HIRA: variants seen among roughly 807,000 people sequenced by gnomAD.
HIRA encodes the protein histone cell cycle regulator, also known as protein HIRA.
Under a neutral mutation model 126.6 loss-of-function variants are expected in HIRA, and 13 were observed. That is an observed-to-expected ratio of 0.10 (90% CI 0.07 to 0.16). HIRA has a LOEUF of 0.16. HIRA is among the 10% of genes least tolerant of loss of function. HIRA has a pLI of 1.00. For synonymous variants in HIRA, 511 were observed against 520.0 expected (o/e 0.98, Z 0.24); for missense variants, 834 against 1,314.4 (o/e 0.63, Z 5.65).
At chr22:19,428,644 A>T (rs113405407) in intron 1 of HIRA, among the ~76,000 whole-genome samples, 39 of 152,306 alleles carry the variant, frequency 2.6e-4, no homozygotes, top group African/African-American at 9.1e-4. Flanking sequence ...AGACTCTCGA[A>T]AAACAGAAAA....
At chr22:19,358,867 A>T (rs1318454960) in intron 18 of HIRA, among the ~76,000 whole-genome samples, 2 of 152,196 alleles carry the variant, frequency 1.3e-5, no homozygotes, top group Non-Finnish European at 2.9e-5. Context: ...TGGGTGACTA[A>T]TCACTGAATC....
chr22:19,350,473 G>A (rs1317363286), intron 24 of HIRA, among the ~76,000 whole-genome samples: 3 of 152,118 alleles, frequency 2.0e-5, no homozygotes, highest in Non-Finnish European at 4.4e-5. Context: ...GAACCTGGAG[G>A]TGCCACATGT....
At chr22:19,334,162 A>C (rs2088531773) in intron 24 of HIRA, among the ~76,000 whole-genome samples, 2 of 151,160 alleles carry the variant, frequency 1.3e-5, no homozygotes, top group South Asian at 2.1e-4. Flanking sequence ...TTTTTAGTAG[A>C]GATGGGGTTC....
chr22:19,426,109 T>C (rs1304533847), intron 1 of HIRA, among the ~76,000 whole-genome samples: 1 of 152,218 alleles, frequency 6.6e-6, no homozygotes, highest in Non-Finnish European at 1.5e-5. Flanking sequence ...CCATTAATTC[T>C]ACCTCTACCC....
At chr22:19,367,889 C>G (rs1004153340) in intron 15 of HIRA, among the ~76,000 whole-genome samples, 1 of 152,178 alleles carries the variant, frequency 6.6e-6, no homozygotes, top group African/African-American at 2.4e-5. Context: ...GGCGCCTGTA[C>G]TTTGGTCCTT....
chr22:19,354,142 G>C, intron 21 of HIRA, 24 bp from the exon 22 acceptor site: 1 of 1,607,610 alleles, frequency 6.2e-7, no homozygotes, highest in Non-Finnish European at 8.5e-7. Flanking sequence ...GGCAGGAGCA[G>C]AGCTCAGGAA....
intron 1 of HIRA, among the ~76,000 whole-genome samples, chr22:19,412,311 C>T (rs1361283261): frequency 1.3e-5 from 2 of 152,182 alleles, no homozygotes; most frequent in Non-Finnish European, 2.9e-5. Flanking sequence ...GTTCTATCCC[C>T]AAGCTATTCG....
intron 22 of HIRA, 117 bp downstream of exon 22, chr22:19,353,879 G>T: frequency 7.7e-7 from 1 of 1,295,184 alleles, no homozygotes; most frequent in East Asian, 2.5e-5. Context: ...CCAGCACCTG[G>T]GGCACAGGGG....
chr22:19,377,750 C>A, intron 14 of HIRA, 119 bp downstream of exon 14: 2 of 916,512 alleles, frequency 2.2e-6, no homozygotes, highest in South Asian at 3.6e-5. Flanking sequence ...GCATTTTTTT[C>A]TTTCTTTTTT....
chr22:19,353,292 A>C (rs1391065039), intron 23 of HIRA, 64 bp downstream of exon 23: 1 of 1,587,800 alleles, frequency 6.3e-7, no homozygotes. Flanking sequence ...ACAGGGACTA[A>C]GTGAGGCCTG....
chr22:19,340,463 A>G (rs2088614451), intron 24 of HIRA, among the ~76,000 whole-genome samples: 1 of 152,182 alleles, frequency 6.6e-6, no homozygotes, highest in Non-Finnish European at 1.5e-5. Context: ...CTAACAGACA[A>G]GGATGCCCAC....
At position 19,403,051 on chromosome 22, in the gene HIRA, C is replaced by T. The variant is rs573173417; in HGVS notation, c.397+2735G>A. On this transcript the variant is annotated intron_variant, in intron 5 of 24. Transcript: ENST00000263208. ...CCAGGAGTTCAAGGCTGCAGTGAGC[C>T]GTAATTGCACCACTGCATTTTGCCT... 3.5e-5 allele frequency among the ~76,000 whole-genome samples: 5 copies of T among 144,166 alleles called. No individual in the cohort carries two copies. In the South Asian group the frequency reaches 6.6e-4, roughly 19 times the overall value. The allele number at this position is 144,166 out of a possible 152,430, so 94.6% of individuals were successfully genotyped here.
At chr22:19,362,808 G>A (rs932918282) in intron 15 of HIRA, among the ~76,000 whole-genome samples, 1 of 151,522 alleles carries the variant, frequency 6.6e-6, no homozygotes, top group African/African-American at 2.4e-5. Context: ...TGACCTACCC[G>A]CCTCAGCCTC....
rs1556009986 is a variant in HIRA, at chr22:19,349,048, G to A, written c.2937+2310C>T. Among the ~76,000 whole-genome samples, 2 of 148,812 alleles carry A rather than the reference G, an allele frequency of 1.3e-5. 1 individual carries two copies. Among genetic ancestry groups the A allele is most frequent in the South Asian group, 4.3e-4 (2 of 4,618 alleles). On this transcript the variant is annotated intron_variant, in intron 24 of 24. Transcript: ENST00000263208. ...ATCCGCCCATCTTGGCCTCCCAAAAGGCTGGGATTATAGGCATGAGCCACC... is the reference window on the plus strand; with the variant it reads ...ATCCGCCCATCTTGGCCTCCCAAAAAGCTGGGATTATAGGCATGAGCCACC...
chr22:19,420,072 ACG>A (rs1336278278), intron 1 of HIRA, among the ~76,000 whole-genome samples: 6 of 148,412 alleles, frequency 4.0e-5, no homozygotes, highest in African/African-American at 1.5e-4. Flanking sequence ...GTGTGTGTGC[ACG>A]CGCCACAAAC....
At chr22:19,373,514 T>C (rs911485993) in intron 15 of HIRA, among the ~76,000 whole-genome samples, 16 of 152,234 alleles carry the variant, frequency 1.1e-4, no homozygotes, top group African/African-American at 3.6e-4. Context: ...TGTCACTGCA[T>C]GGTGGATACG....
At chr22:19,387,936 T>C in intron 10 of HIRA, 120 bp from the exon 11 acceptor site, 1 of 92,950 alleles carries the variant, frequency 1.1e-5, no homozygotes, top group Non-Finnish European at 2.7e-5. Flanking sequence ...AACTCCTGGT[T>C]CCCTTCTGTG....
chr22:19,377,111 G>A (rs568493454), intron 14 of HIRA, among the ~76,000 whole-genome samples: 2 of 152,292 alleles, frequency 1.3e-5, no homozygotes, highest in South Asian at 2.1e-4. Context: ...TATGAGTCCT[G>A]TGGAGGGTAC....
chr22:19,428,916 C>T (rs566237643), intron 1 of HIRA, among the ~76,000 whole-genome samples: 28 of 152,272 alleles, frequency 1.8e-4, no homozygotes, highest in Admixed American at 9.8e-4. Flanking sequence ...CTCAGGCTTC[C>T]GGCTGAGCAG....
Sources: allele counts gnomAD v4.1 joint callset (sites outside exome capture counted in the v4.1 genomes callset), GRCh38; gene constraint gnomAD v4.1.1; transcripts MANE v1.5; gene names NCBI Gene and HGNC (gene_info 2026-07-23, HGNC 2026-07-21).